Variants in PCDHGA1 observed in about 807,000 individuals in gnomAD.
The protein encoded by PCDHGA1 is protocadherin gamma subfamily A, 1.
In PCDHGA1, 32 loss-of-function variants were observed where a neutral mutation model predicts 58.0. The ratio of observed to expected loss-of-function variants is 0.55; its 90% CI spans 0.42 to 0.74. PCDHGA1 has a LOEUF of 0.74. PCDHGA1 is among the 30% of genes least tolerant of loss of function. The pLI, the probability that PCDHGA1 is intolerant of heterozygous loss-of-function variation, is 0.00. For synonymous variants in PCDHGA1, 498 were observed against 501.1 expected, an observed-to-expected ratio of 0.99 and a Z score of 0.08; for missense variants, 1,205 against 1,182.3, an observed-to-expected ratio of 1.02 and a Z score of -0.28.
rs770199497 is a variant in PCDHGA1, at chr5:141,339,687, C to T, written c.2421+6582C>T. 5.6e-6 allele frequency: 9 copies of T among 1,614,194 alleles called. No individual in the cohort carries two copies. In the East Asian group the frequency reaches 1.8e-4, roughly 32 times the overall value. ...AAGGTCCTGGATGCGAACGACAATG[C>T]GCCTGTTTTTACACAGCCCGAGTAC... is the stretch of plus-strand genomic sequence containing the variant. On this transcript the variant is annotated intron_variant, in intron 1 of 3. Coordinates refer to ENST00000517417, the MANE Select transcript of PCDHGA1 (RefSeq NM_018912.3).
chr5:141,386,303 T>A (rs938709302), intron 1 of PCDHGA1, among the ~76,000 whole-genome samples: 6 of 152,202 alleles, frequency 3.9e-5, no homozygotes, highest in Admixed American at 2.0e-4. Flanking sequence ...TTAGTAAAGC[T>A]CAGTATATCA....
intron 1 of PCDHGA1, chr5:141,355,976 C>G (rs1322217907): frequency 1.2e-6 from 2 of 1,613,916 alleles, no homozygotes; most frequent in Admixed American, 3.3e-5. Flanking sequence ...CCTGTAGGCA[C>G]TCGGCTACTC....
chr5:141,444,194 G>A (rs1209269773), intron 1 of PCDHGA1, among the ~76,000 whole-genome samples: 1 of 67,352 alleles, frequency 1.5e-5, no homozygotes, highest in Non-Finnish European at 2.7e-5. Flanking sequence ...TTTTTGAGAT[G>A]GAGTTTCACT....
chr5:141,418,606 T>A (rs1279991875), intron 1 of PCDHGA1: 1 of 1,614,030 alleles, frequency 6.2e-7, no homozygotes. Context: ...TGTACAGGGT[T>A]AGCCTTCGGG....
chr5:141,491,837 G>A lies in PCDHGA1; in HGVS notation c.2422-2970G>A, dbSNP rs1404051857. The A allele has an allele frequency of 1.4e-6, 2 of 1,472,862 alleles. No individual in the cohort carries two copies. The highest frequency in any genetic ancestry group is 1.8e-6 in the Non-Finnish European group (2 of 1,111,878). The allele number at this position is 1,472,862 out of a possible 1,614,324, so 91.2% of individuals were successfully genotyped here. A position where few individuals can be genotyped will look rare whatever the true frequency, so the allele number is the denominator to read the frequency against. ...TGGCTGCGCTCCACCCGATTCTCGG[G>A]ATCATTGGACCGTTTGCGCGAAACC... On this transcript the variant is annotated intron_variant, in intron 1 of 3. Transcript: ENST00000517417. The surrounding 1 kb of genome is among the most constrained non-coding windows in gnomAD (Gnocchi z 6.9).
chr5:141,451,716 T>C (rs947058540), intron 1 of PCDHGA1, among the ~76,000 whole-genome samples: 1 of 152,092 alleles, frequency 6.6e-6, no homozygotes, highest in Non-Finnish European at 1.5e-5. Context: ...ACCCTGCCTC[T>C]ACTAAAAATA....
At chr5:141,362,453 A>T in intron 1 of PCDHGA1, 1 of 1,614,024 alleles carries the variant, frequency 6.2e-7, no homozygotes, top group Non-Finnish European at 8.5e-7. Context: ...ATAACCCCGG[A>T]ATTGGTTCCC....
rs763676784 is a variant in PCDHGA1 at position 141,374,276 on chromosome 5, C to A, written c.2421+41171C>A. The A allele has an allele frequency of 4.3e-6, 7 of 1,613,974 alleles. No individual in the cohort carries two copies. In the Admixed American group the frequency reaches 8.3e-5, roughly 19 times the overall value. On this transcript the variant is annotated intron_variant, in intron 1 of 3. Transcript: ENST00000517417. ...CCAGGAGTTGGCGGAGCACGGAGTC[C>A]GCATCGTCTCCAGAGGTAGGATGCA...
At chr5:141,413,775 G>T in intron 1 of PCDHGA1, 1 of 1,612,878 alleles carries the variant, frequency 6.2e-7, no homozygotes, top group South Asian at 1.1e-5. Context: ...AGCTGGTACT[G>T]GAGCACTCCC....
chr5:141,405,333 CTGTT>C (rs1203111813), intron 1 of PCDHGA1: 18 of 1,614,204 alleles, frequency 1.1e-5, no homozygotes, highest in Non-Finnish European at 1.4e-5. Flanking sequence ...TTGTGCGTCT[CTGTT>C]GATTCCAAGT....
In PCDHGA1 at chr5:141,399,480, G is replaced by T. The variant is rs760135566; in HGVS notation, c.2421+66375G>T. ...ATAACGCTCCGGTTTTCCACCAGGC[G>T]TCCTACTTAGTCAGTGTACCCGAAA... On this transcript the variant is annotated intron_variant, in intron 1 of 3. Coordinates refer to ENST00000517417, the MANE Select transcript of PCDHGA1 (RefSeq NM_018912.3). The T allele has an allele frequency of 1.9e-5, 31 of 1,613,886 alleles. No homozygotes were observed. In the South Asian group the frequency reaches 3.2e-4, roughly 17 times the overall value.
At chr5:141,508,835 C>T (rs1190105775) in intron 3 of PCDHGA1, among the ~76,000 whole-genome samples, 12 of 152,158 alleles carry the variant, frequency 7.9e-5, no homozygotes, top group African/African-American at 2.9e-4. Flanking sequence ...CCCCCCTCCC[C>T]TACCCCTTCC....
chr5:141,430,889 A>G, intron 1 of PCDHGA1: 1 of 1,605,270 alleles, frequency 6.2e-7, no homozygotes, highest in African/African-American at 1.3e-5. Flanking sequence ...GAAAGGCTCT[A>G]GGGTGGGCGA....
Position 141,486,915 on chromosome 5 carries a change from C to G in PCDHGA1, c.2422-7892C>G. The G allele has an allele frequency of 6.2e-7, 1 of 1,614,244 alleles. No individual in the cohort carries two copies. The highest frequency in any genetic ancestry group is 8.5e-7 in the Non-Finnish European group (1 of 1,180,046). ...GGTTCCTTATGTCCCCAAGCACTGCCTCCATCAGTTGGTGCTGGCCACCTA... is the reference window on the plus strand; with the variant it reads ...GGTTCCTTATGTCCCCAAGCACTGCGTCCATCAGTTGGTGCTGGCCACCTA... On this transcript the variant is annotated intron_variant, in intron 1 of 3. Transcript: ENST00000517417. This position sits in a 1 kb window ranked among gnomAD's most constrained non-coding sequence, Gnocchi z 5.0.
chr5:141,431,685 A>C lies in PCDHGA1; in HGVS notation c.2422-63122A>C. The C allele has an allele frequency of 6.2e-7, 1 of 1,614,246 alleles. No homozygotes were observed. Among genetic ancestry groups the C allele is most frequent in the East Asian group, 2.2e-5 (1 of 44,876 alleles). ...ATATCAACAATAGGGGAGTTGGACCACGAGGAGTCAGGATTCTACCAGATG... is the reference window on the plus strand; with the variant it reads ...ATATCAACAATAGGGGAGTTGGACCCCGAGGAGTCAGGATTCTACCAGATG... On this transcript the variant is annotated intron_variant, in intron 1 of 3. Transcript: ENST00000517417. This position sits in a 1 kb window ranked among gnomAD's most constrained non-coding sequence, Gnocchi z 4.8.
At chr5:141,392,771 A>G in intron 1 of PCDHGA1, 1 of 1,514,130 alleles carries the variant, frequency 6.6e-7, no homozygotes, top group Non-Finnish European at 8.8e-7. Flanking sequence ...AGACCCATTT[A>G]TGCACAGTGA....
chr5:141,415,107 A>T, intron 1 of PCDHGA1: 1 of 1,613,624 alleles, frequency 6.2e-7, no homozygotes, highest in Non-Finnish European at 8.5e-7. Flanking sequence ...CGCTCAAGCA[A>T]AGCCTCGTAG....
rs2093886414 is a variant in PCDHGA1 at position 141,399,784 on chromosome 5, G to C, written c.2421+66679G>C. On this transcript the variant is annotated intron_variant, in intron 1 of 3. Transcript: ENST00000517417. ...GCGCGTGTTGGTGGGCGACCGAAAC[G>C]ACAACGCACCGCGGGTGCTGTACCC... The C allele has an allele frequency of 2.5e-6, 4 of 1,613,288 alleles. No homozygotes were observed. The East Asian group carries it at 6.7e-5, about 27-fold the overall frequency.
At chr5:141,350,252 G>A in intron 1 of PCDHGA1, 1 of 1,509,234 alleles carries the variant, frequency 6.6e-7, no homozygotes, top group Non-Finnish European at 8.8e-7. Flanking sequence ...TCCGCGGAGA[G>A]TTCCTGAAAT....
Sources: gnomAD v4.1 joint callset for allele counts (sites outside exome capture counted in the v4.1 genomes callset) on GRCh38, gnomAD v4.1.1 for gene constraint, Gnocchi (gnomAD v3.1) non-coding constraint, MANE v1.5 for transcripts, NCBI Gene and HGNC (gene_info 2026-07-23, HGNC 2026-07-21) for gene names.